The following CENPA variants were observed in gnomAD, a reference collection of about 807,000 sequenced individuals.
The protein encoded by CENPA is centromere protein A.
A neutral mutation model predicts 17.2 loss-of-function variants in CENPA; 7 were observed. That is an observed-to-expected ratio of 0.41 (90% CI 0.23 to 0.76). CENPA has a LOEUF of 0.76. CENPA is among the 30% of genes least tolerant of loss of function. The pLI, the probability that CENPA is intolerant of heterozygous loss-of-function variation, is 0.34. For synonymous variants in CENPA, 82 were observed against 77.4 expected (o/e 1.06, Z -0.31); for missense variants, 149 against 193.1 (o/e 0.77, Z 1.35).
chr2:26,787,606 C>G (rs1441194036), intron 1 of CENPA, among the ~76,000 whole-genome samples: 1 of 151,738 alleles, frequency 6.6e-6, no homozygotes, highest in Non-Finnish European at 1.5e-5. Flanking sequence ...GCCTCAACTT[C>G]CCAGGCTCAG....
At position 26,792,198 on chromosome 2, in the gene CENPA, G is replaced by C; in HGVS notation, c.168G>C (p.Lys56Asn). The C allele has an allele frequency of 1.9e-6, 3 of 1,613,984 alleles. No individual in the cohort carries two copies. The highest frequency in any genetic ancestry group is 2.5e-6 in the Non-Finnish European group (3 of 1,179,952). The change falls in exon 2 of 5, where the codon AAG becomes AAC. Residue 56 changes from lysine (K) to asparagine (N), a missense_variant. Lys to Asn is a moderately conservative substitution (Grantham distance 94). This residue lies in a region of CENPA where 95 missense variants were observed against 87.5 expected (regional missense o/e 1.09). Coordinates refer to ENST00000335756, the MANE Select transcript of CENPA (RefSeq NM_001809.4). The part of the protein sequence containing the change: ...GWLKEIRKLQ[K>N]STHLLIRKLP... ...TAAAGGAGATCCGAAAGCTTCAGAA[G>C]AGCACACACCTCTTGATAAGGAAGC...
intron 1 of CENPA, among the ~76,000 whole-genome samples, chr2:26,788,067 C>T (rs1664544616): frequency 6.6e-6 from 1 of 152,184 alleles, no homozygotes; most frequent in South Asian, 2.1e-4. Flanking sequence ...AAGGTAGAAG[C>T]ATCCTTCTAC....
intron 1 of CENPA, among the ~76,000 whole-genome samples, chr2:26,786,791 G>A (rs1042946458): frequency 6.6e-6 from 1 of 152,174 alleles, no homozygotes. Flanking sequence ...GTCCTCTTAG[G>A]AGGTGTCTTT....
At chr2:26,790,739 G>A (rs1286291917) in intron 1 of CENPA, among the ~76,000 whole-genome samples, 4 of 152,228 alleles carry the variant, frequency 2.6e-5, no homozygotes, top group Non-Finnish European at 5.9e-5. Flanking sequence ...AGTTTTAAAT[G>A]TTATCAGTCT....
chr2:26,791,772 C>T (rs191628050), intron 1 of CENPA, among the ~76,000 whole-genome samples: 1 of 152,162 alleles, frequency 6.6e-6, no homozygotes, highest in Non-Finnish European at 1.5e-5. Context: ...AGGGCGGTCA[C>T]CCATCTGTTT....
chr2:26,793,008 T>A, intron 3 of CENPA, 137 bp from the exon 4 acceptor site: 2 of 1,339,372 alleles, frequency 1.5e-6, no homozygotes, highest in Non-Finnish European at 2.1e-6. Flanking sequence ...CAGAATTCCC[T>A]GGCAAAGTTC....
chr2:26,794,060 C>T lies in CENPA; in HGVS notation c.*296C>T, dbSNP rs773141877. The T allele has an allele frequency of 7.9e-5, 12 of 152,212 alleles. No individual in the cohort carries two copies. The highest frequency in any genetic ancestry group is 1.6e-4 in the Non-Finnish European group (11 of 68,048). 9.4% of individuals were successfully genotyped at this position (152,212 alleles called of 1,614,324 possible). ...AAGGTTGACTTTAGTTTGTGAGTTA[C>T]TCATGTGACTATTTGAGGATTTTGA... On this transcript the variant is annotated 3_prime_UTR_variant, in exon 5 of 5. Coordinates refer to ENST00000335756, the MANE Select transcript of CENPA (RefSeq NM_001809.4).
intron 4 of CENPA, among the ~76,000 whole-genome samples, 175 bp from the exon 5 acceptor site, chr2:26,793,637 A>G (rs1405868192): frequency 1.3e-5 from 2 of 152,336 alleles, no homozygotes; most frequent in East Asian, 3.9e-4. Context: ...TTGGCCTCCC[A>G]AAGTGTTGAG....
intron 1 of CENPA, among the ~76,000 whole-genome samples, chr2:26,790,390 G>A (rs936180984): frequency 2.6e-5 from 4 of 152,004 alleles, no homozygotes; most frequent in African/African-American, 4.8e-5. Context: ...ACAGTGGTGC[G>A]AGCTTGGCTC....
chr2:26,789,282 A>T (rs918276066), intron 1 of CENPA, among the ~76,000 whole-genome samples: 3 of 152,062 alleles, frequency 2.0e-5, no homozygotes, highest in Non-Finnish European at 4.4e-5. Flanking sequence ...TCTCAGAAGC[A>T]TTTGACGCAG....
intron 1 of CENPA, among the ~76,000 whole-genome samples, chr2:26,786,712 A>T (rs1664514278): frequency 6.6e-6 from 1 of 152,228 alleles, no homozygotes; most frequent in Non-Finnish European, 1.5e-5. Context: ...GGGATTTCCA[A>T]TCCTCTGTGT....
chr2:26,786,160 C>T lies in CENPA; in HGVS notation c.-37C>T. On this transcript the variant is annotated 5_prime_UTR_variant, in exon 1 of 5. Transcript: ENST00000335756. ...CCGGACCCGGCAGCCCGAGCAGGAGCCGTGGGACCGGGCGCCAGCACCCTC... is the reference window on the plus strand; with the variant it reads ...CCGGACCCGGCAGCCCGAGCAGGAGTCGTGGGACCGGGCGCCAGCACCCTC... 1 of 1,411,440 alleles carries T rather than the reference C, an allele frequency of 7.1e-7. No homozygotes were observed. Among genetic ancestry groups the T allele is most frequent in the Non-Finnish European group, 9.2e-7 (1 of 1,089,976 alleles). The allele number at this position is 1,411,440 out of a possible 1,614,324, so 87.4% of individuals were successfully genotyped here.
chr2:26,794,534 G>A lies in CENPA; in HGVS notation c.*770G>A, dbSNP rs1258799735. 6.6e-6 allele frequency: 1 copy of A among 152,094 alleles called. No individual in the cohort carries two copies. The highest frequency in any genetic ancestry group is 1.5e-5 in the Non-Finnish European group (1 of 68,028). The allele number at this position is 152,094 out of a possible 1,614,324, so 9.4% of individuals were successfully genotyped here. On this transcript the variant is annotated 3_prime_UTR_variant, in exon 5 of 5. Transcript: ENST00000335756. ...AAGTACATTTTCGATGCTTTTATGG[G>A]TATTTTTGTAGTTTCTTTGTAGAGA... is the stretch of plus-strand genomic sequence containing the variant.
chr2:26,792,027 G>A, intron 1 of CENPA, 104 bp from the exon 2 acceptor site: 2 of 924,656 alleles, frequency 2.2e-6, no homozygotes, highest in South Asian at 2.8e-5. Flanking sequence ...GCTCTGTGGA[G>A]GGTAGGCACA....
chr2:26,786,867 A>C (rs535305382), intron 1 of CENPA, among the ~76,000 whole-genome samples: 4 of 151,728 alleles, frequency 2.6e-5, no homozygotes, highest in East Asian at 3.9e-4. Flanking sequence ...TGCGCTGCTC[A>C]CTCTGTTGCC....
At position 26,793,254 on chromosome 2, in the gene CENPA, G is replaced by A. The variant is rs1664653469; in HGVS notation, c.398G>A (p.Arg133Gln). The A allele has an allele frequency of 6.2e-7, 1 of 1,613,984 alleles. No homozygotes were observed. The highest frequency in any genetic ancestry group is 1.1e-5 in the South Asian group (1 of 91,070). Residue 133 changes from arginine (R) to glutamine (Q), a missense_variant, in exon 4 of 5, where the codon CGG (arginine) becomes CAG (glutamine). Transcript: ENST00000335756. ...GATGTGCAACTGGCCCGGAGGATCC[G>A]GGGCCTTGAGGAGGGACTCGGCTGA... The part of the protein sequence containing the change: ...PKDVQLARRI[R>Q]GLEEGLG
intron 1 of CENPA, among the ~76,000 whole-genome samples, chr2:26,786,922 A>G (rs997880259): frequency 2.6e-5 from 4 of 152,050 alleles, no homozygotes; most frequent in Non-Finnish European, 4.4e-5. Context: ...TCTGTGTCTT[A>G]ATTGTCTATG....
At position 26,786,268 on chromosome 2, in the gene CENPA, C is replaced by G. The variant is rs1558297674; in HGVS notation, c.72C>G (p.Pro24=). The change falls in exon 1 of 5, where the codon CCC becomes CCG. Residue 24 remains proline, a synonymous_variant. Transcript: ENST00000335756. ...GCAGCCCGAGCCCGACCCCGACCCC[C>G]GGCCCCTCCCGGCGGGGCCCCTCCT... ...RRRSPSPTPT[P]GPSRRGPSLG... The G allele has an allele frequency of 3.0e-6, 4 of 1,347,060 alleles. No individual in the cohort carries two copies. The African/African-American group carries it at 4.6e-5, about 16-fold the overall frequency. The allele number at this position is 1,347,060 out of a possible 1,614,324, so 83.4% of individuals were successfully genotyped here.
chr2:26,793,076 G>A (rs1664649609), intron 3 of CENPA, 69 bp from the exon 4 acceptor site: 3 of 1,585,886 alleles, frequency 1.9e-6, no homozygotes, highest in Admixed American at 1.7e-5. Flanking sequence ...ATTAAGTTTA[G>A]CAGGTTTCCA....
Sources: gnomAD v4.1 joint callset for allele counts (sites outside exome capture counted in the v4.1 genomes callset) on GRCh38, gnomAD v4.1.1 for gene constraint, gnomAD v4.1.1 regional missense constraint, MANE v1.5 for transcripts, NCBI Gene and HGNC (gene_info 2026-07-23, HGNC 2026-07-21) for gene names.